The following ENDOD1 variants were observed in gnomAD, a reference collection of about 807,000 sequenced individuals.
ENDOD1 encodes endonuclease domain containing 1, also known as endonuclease domain-containing 1 protein.
A neutral mutation model predicts 6.5 loss-of-function variants in ENDOD1; 9 were observed. The observed-to-expected ratio is 1.39, with a 90% CI of 0.84 to 2.43. ENDOD1 has a LOEUF of 2.43. ENDOD1 is among the 30% of genes most tolerant of loss of function. The pLI is 0.00. For synonymous variants in ENDOD1, 255 were observed against 255.2 expected (o/e 1.00, Z 0.01); for missense variants, 648 against 635.5 (o/e 1.02, Z -0.21).
chr11:95,097,109 C>T (rs925605886), intron 1 of ENDOD1, among the ~76,000 whole-genome samples: 1 of 144,210 alleles, frequency 6.9e-6, no homozygotes, highest in African/African-American at 2.6e-5. Flanking sequence ...GAGCTGAGAT[C>T]ATGCCACTGC....
chr11:95,125,242 A>C (rs1447750516), intron 1 of ENDOD1, among the ~76,000 whole-genome samples: 1 of 152,190 alleles, frequency 6.6e-6, no homozygotes, highest in Non-Finnish European at 1.5e-5. Context: ...GCACCAGGTT[A>C]AGTGCATACA....
intron 1 of ENDOD1, among the ~76,000 whole-genome samples, chr11:95,098,657 A>G (rs75732772): frequency 0.017 from 2,600 of 151,494 alleles, 32 homozygotes; most frequent in Middle Eastern, 0.052. Flanking sequence ...TCTAGAGCTC[A>G]TTGGATGCTT....
chr11:95,118,036 A>T (rs1011169797), intron 1 of ENDOD1, among the ~76,000 whole-genome samples: 3 of 152,224 alleles, frequency 2.0e-5, no homozygotes, highest in Non-Finnish European at 4.4e-5. Context: ...AAGCAAAAAG[A>T]CAACTAATAA....
chr11:95,126,395 G>A (rs1859312754), intron 1 of ENDOD1, among the ~76,000 whole-genome samples: 1 of 152,072 alleles, frequency 6.6e-6, no homozygotes, highest in Admixed American at 6.5e-5. Context: ...ATTTTAATTA[G>A]GTTTGTATTT....
chr11:95,101,490 G>T (rs1168439480), intron 1 of ENDOD1, among the ~76,000 whole-genome samples: 1 of 152,102 alleles, frequency 6.6e-6, no homozygotes, highest in African/African-American at 2.4e-5. Context: ...TTATTGTCTC[G>T]GTGGTAGTGG....
chr11:95,110,015 C>A (rs994528511), intron 1 of ENDOD1, among the ~76,000 whole-genome samples: 6 of 152,286 alleles, frequency 3.9e-5, no homozygotes, highest in African/African-American at 1.4e-4. Flanking sequence ...AAACTCAAAC[C>A]TTGGCCTCAG....
intron 1 of ENDOD1, among the ~76,000 whole-genome samples, chr11:95,127,254 G>A (rs1389179183): frequency 6.6e-6 from 1 of 152,094 alleles, no homozygotes; most frequent in African/African-American, 2.4e-5. Context: ...TTAATCCTAA[G>A]CACTTTCCTT....
chr11:95,107,016 A>G (rs1859095562), intron 1 of ENDOD1, among the ~76,000 whole-genome samples: 1 of 152,004 alleles, frequency 6.6e-6, no homozygotes, highest in Non-Finnish European at 1.5e-5. Flanking sequence ...AGGAGACATC[A>G]CTAATTTCCT....
intron 1 of ENDOD1, among the ~76,000 whole-genome samples, chr11:95,108,423 C>T (rs1190919012): frequency 2.0e-5 from 3 of 150,588 alleles, no homozygotes; most frequent in South Asian, 4.2e-4. Flanking sequence ...TGGAGGAAGG[C>T]GGAGAGGACA....
In ENDOD1 at chr11:95,129,413, G is replaced by A. The variant is rs3740861; in HGVS notation, c.1337G>A (p.Gly446Asp). The change falls in exon 2 of 2, where the codon GGC (glycine) becomes GAC (aspartate). Residue 446 changes from glycine to aspartate, a missense_variant. Coordinates refer to ENST00000278505, the MANE Select transcript of ENDOD1 (RefSeq NM_015036.3). The part of the protein sequence containing the change: ...DVATFPVYTM[G>D]AIPIVCKDIA... ...GCCACTTTCCCTGTGTACACCATGG[G>A]CGCTATTCCAATTGTTTGCAAGGAC... 6.2e-7 allele frequency: 1 copy of A among 1,613,952 alleles called. No individual in the cohort carries two copies. The highest frequency in any genetic ancestry group is 1.1e-5 in the South Asian group (1 of 91,084).
At chr11:95,116,785 G>A (rs782385127) in intron 1 of ENDOD1, among the ~76,000 whole-genome samples, 7 of 152,114 alleles carry the variant, frequency 4.6e-5, no homozygotes, top group Non-Finnish European at 8.8e-5. Flanking sequence ...TAATTTCCAT[G>A]TATTTGTATA....
intron 1 of ENDOD1, among the ~76,000 whole-genome samples, chr11:95,117,539 A>T (rs948538304): frequency 6.6e-6 from 1 of 152,116 alleles, no homozygotes. Context: ...CTCTTATAGT[A>T]TTTGTCCTGA....
At position 95,090,132 on chromosome 11, in the gene ENDOD1, T is replaced by C. The variant is rs782129948; in HGVS notation, c.205T>C (p.Tyr69His). The change falls in exon 1 of 2, where the codon TAC becomes CAC. Residue 69 changes from tyrosine to histidine, a missense_variant. By Grantham distance (83) the Tyr-to-His change is moderately conservative. Transcript: ENST00000278505. ...AEGAERFATL[Y>H]STRDRIPVYS... ...GGGTGCTGAGCGCTTCGCCACCCTC[T>C]ACAGCACCCGGGACCGCATCCCCGT... The C allele has an allele frequency of 4.5e-6, 7 of 1,545,578 alleles. No homozygotes were observed. The South Asian group carries it at 7.3e-5, about 16-fold the overall frequency.
At chr11:95,101,391 G>A (rs1328841211) in intron 1 of ENDOD1, among the ~76,000 whole-genome samples, 2 of 152,040 alleles carry the variant, frequency 1.3e-5, no homozygotes, top group Non-Finnish European at 2.9e-5. Context: ...TTGAGCAGTG[G>A]CAGTAAAATG....
At chr11:95,093,971 A>T (rs1236437277) in intron 1 of ENDOD1, among the ~76,000 whole-genome samples, 1 of 152,128 alleles carries the variant, frequency 6.6e-6, no homozygotes, top group Non-Finnish European at 1.5e-5. Flanking sequence ...GGAAGCCTCA[A>T]ACCTTTTAGT....
chr11:95,112,157 G>A (rs1425117752), intron 1 of ENDOD1, among the ~76,000 whole-genome samples: 4 of 152,134 alleles, frequency 2.6e-5, no homozygotes, highest in Admixed American at 2.6e-4. Flanking sequence ...TCATCCCCTA[G>A]CCAAAGCTTT....
At chr11:95,096,331 G>T (rs1555110323) in intron 1 of ENDOD1, among the ~76,000 whole-genome samples, 1 of 125,222 alleles carries the variant, frequency 8.0e-6, no homozygotes, top group African/African-American at 3.0e-5. Context: ...CTTAACATCT[G>T]TCATAGTAAT....
Position 95,128,718 on chromosome 11 carries a change from A to G in ENDOD1, c.642A>G (p.Ala214=). The G allele has an allele frequency of 1.9e-6, 3 of 1,614,218 alleles. No individual in the cohort carries two copies. The highest frequency in any genetic ancestry group is 2.5e-6 in the Non-Finnish European group (3 of 1,180,044). The change falls in exon 2 of 2, where the codon GCA becomes GCG. Residue 214 remains alanine, a synonymous_variant. Transcript: ENST00000278505. ...PSDYRVKDKV[A]VPEFVWLAAC... is the part of the protein sequence containing the mutation. ...ACTACAGAGTTAAAGACAAAGTGGC[A>G]GTCCCTGAGTTTGTTTGGCTGGCAG...
chr11:95,128,193 A>C (rs1859330183), intron 1 of ENDOD1, among the ~76,000 whole-genome samples, 184 bp from the exon 2 acceptor site: 1 of 152,230 alleles, frequency 6.6e-6, no homozygotes, highest in African/African-American at 2.4e-5. Flanking sequence ...AGATGCTTTG[A>C]AACACCAGGA....
Sources: allele counts gnomAD v4.1 joint callset (sites outside exome capture counted in the v4.1 genomes callset), GRCh38; gene constraint gnomAD v4.1.1; transcripts MANE v1.5; gene names NCBI Gene and HGNC (gene_info 2026-07-23, HGNC 2026-07-21).